CHST15: variants seen among roughly 807,000 people sequenced by gnomAD.
CHST15 encodes the protein B cell RAG associated protein (GALNAC4S-6ST).
In CHST15, 30 loss-of-function variants were observed where a neutral mutation model predicts 53.6. The observed-to-expected ratio is 0.56, with a 90% CI of 0.42 to 0.76. The LOEUF is 0.76. Ranked by LOEUF, CHST15 falls within the 30% of genes least tolerant of loss-of-function variation. CHST15 has a pLI of 0.00. For missense variants in CHST15, 627 were observed against 740.5 expected (o/e 0.85, Z 1.78); for synonymous variants, 296 against 289.8 (o/e 1.02, Z -0.22).
In CHST15 at chr10:124,009,016, T is replaced by C; in HGVS notation, c.*1133A>G. ...CAGCCCAAGTTCAGCTTGTGCATTG[T>C]GTTTTGGAATTGGGACACGAGTATC... On this transcript the variant is annotated 3_prime_UTR_variant, in exon 8 of 8. Transcript: ENST00000435907. 7.8e-7 allele frequency: 1 copy of C among 1,289,154 alleles called. No individual in the cohort carries two copies. Among genetic ancestry groups the C allele is most frequent in the Middle Eastern group, 2.1e-4 (1 of 4,690 alleles). 79.9% of individuals were successfully genotyped at this position (1,289,154 alleles called of 1,614,324 possible).
At chr10:124,033,189 C>T (rs567892458) in intron 5 of CHST15, among the ~76,000 whole-genome samples, 4 of 152,332 alleles carry the variant, frequency 2.6e-5, no homozygotes, top group South Asian at 2.1e-4. Flanking sequence ...AGATGGGAAA[C>T]GCGCCAACCA....
chr10:124,065,380 C>G (rs989648641), intron 1 of CHST15, among the ~76,000 whole-genome samples: 1 of 152,168 alleles, frequency 6.6e-6, no homozygotes, highest in Non-Finnish European at 1.5e-5. Flanking sequence ...AAGACCGTAT[C>G]TCAAAAAGAA....
chr10:124,042,187 T>TCTCGG, intron 4 of CHST15, 114 bp downstream of exon 4: 8 of 1,093,428 alleles, frequency 7.3e-6, no homozygotes, highest in Admixed American at 4.6e-5. Context: ...CAAAAGAAGT[T>TCTCGG]TGCTGCCACC....
chr10:124,073,642 G>C (rs1590344340), intron 1 of CHST15, among the ~76,000 whole-genome samples: 1 of 152,308 alleles, frequency 6.6e-6, no homozygotes, highest in East Asian at 1.9e-4. Flanking sequence ...CAGAAACCAA[G>C]GAAGAGGCAA....
intron 1 of CHST15, among the ~76,000 whole-genome samples, chr10:124,056,622 C>T (rs552522199): frequency 3.2e-4 from 49 of 152,330 alleles, no homozygotes; most frequent in African/African-American, 1.1e-3. Flanking sequence ...TTGTCAGTTA[C>T]CTTTGCAGCT....
intron 1 of CHST15, among the ~76,000 whole-genome samples, chr10:124,047,623 G>GT (rs1324865018): frequency 6.6e-6 from 1 of 152,194 alleles, no homozygotes; most frequent in Non-Finnish European, 1.5e-5. Flanking sequence ...CCCTGAGCAA[G>GT]CCACATAACC....
intron 1 of CHST15, among the ~76,000 whole-genome samples, chr10:124,092,709 C>T: frequency 6.6e-6 from 1 of 152,204 alleles, no homozygotes; most frequent in South Asian, 2.1e-4. Flanking sequence ...TGCCCACTTA[C>T]CTGCCCCGGG....
intron 5 of CHST15, among the ~76,000 whole-genome samples, chr10:124,032,396 T>C (rs1947257458): frequency 6.6e-6 from 1 of 152,092 alleles, no homozygotes; most frequent in African/African-American, 2.4e-5. Context: ...TAACAGATGG[T>C]ACATGACCCC....
At chr10:124,045,211 T>C (rs1242779273) in intron 2 of CHST15, among the ~76,000 whole-genome samples, 1 of 150,198 alleles carries the variant, frequency 6.7e-6, no homozygotes, top group Non-Finnish European at 1.5e-5. Context: ...TTCTGACACT[T>C]ACACAACACA....
chr10:124,014,907 G>A (rs1273910621), intron 6 of CHST15, among the ~76,000 whole-genome samples: 4 of 152,188 alleles, frequency 2.6e-5, no homozygotes, highest in East Asian at 1.9e-4. Context: ...GGCCTGCACC[G>A]CAGCATGGTC....
intron 1 of CHST15, among the ~76,000 whole-genome samples, chr10:124,055,206 G>A (rs1948336208): frequency 6.6e-6 from 1 of 152,186 alleles, no homozygotes; most frequent in African/African-American, 2.4e-5. Context: ...AAAACATCTT[G>A]CTTTGGCCAC....
chr10:124,009,897 G>A lies in CHST15; in HGVS notation c.*252C>T. The A allele has an allele frequency of 7.6e-7, 1 of 1,316,596 alleles. No individual in the cohort carries two copies. The highest frequency in any genetic ancestry group is 9.7e-7 in the Non-Finnish European group (1 of 1,028,172). 81.6% of individuals were successfully genotyped at this position (1,316,596 alleles called of 1,614,324 possible). On this transcript the variant is annotated 3_prime_UTR_variant, in exon 8 of 8. Coordinates refer to ENST00000435907, the MANE Select transcript of CHST15 (RefSeq NM_001270764.2). ...GCATCCCCAAGCTCCAGGACGCTCA[G>A]AGCAGAGCTGAATTCTTGAGAAACT...
chr10:124,010,109 G>A lies in CHST15; in HGVS notation c.*40C>T. The A allele has an allele frequency of 6.2e-7, 1 of 1,611,154 alleles. No homozygotes were observed. Among genetic ancestry groups the A allele is most frequent in the East Asian group, 2.2e-5 (1 of 44,882 alleles). Reference sequence around the variant, plus strand: ...AGATTTGTAAAATCCTGATGATGACGGCATTGGCGGGCCCAGCACGTGCAG... The same window carrying A: ...AGATTTGTAAAATCCTGATGATGACAGCATTGGCGGGCCCAGCACGTGCAG... On this transcript the variant is annotated 3_prime_UTR_variant, in exon 8 of 8. Coordinates refer to ENST00000435907, the MANE Select transcript of CHST15 (RefSeq NM_001270764.2).
intron 1 of CHST15, among the ~76,000 whole-genome samples, chr10:124,093,026 G>C (rs1477785710): frequency 6.6e-6 from 1 of 152,180 alleles, no homozygotes; most frequent in Non-Finnish European, 1.5e-5. Context: ...CCCTCGCTCC[G>C]GCCGCGTCCT....
At chr10:124,022,487 G>A (rs908877088) in intron 5 of CHST15, among the ~76,000 whole-genome samples, 3 of 152,204 alleles carry the variant, frequency 2.0e-5, no homozygotes, top group African/African-American at 4.8e-5. Flanking sequence ...GAGCACCTTC[G>A]TATTACAGGA....
intron 1 of CHST15, among the ~76,000 whole-genome samples, chr10:124,064,626 A>G (rs889692349): frequency 1.1e-4 from 16 of 151,518 alleles, no homozygotes; most frequent in African/African-American, 3.2e-4. Flanking sequence ...GGAACATTCA[A>G]TCCCCCTTGC....
Position 124,009,963 on chromosome 10 carries a change from G to A in CHST15, c.*186C>T. On this transcript the variant is annotated 3_prime_UTR_variant, in exon 8 of 8. Transcript: ENST00000435907. ...CTCGGATAGAGGAGCTCTGTGAGGG[G>A]TCCATTGCTGAGCTCTCGAACATCA... 2 of 1,438,248 alleles carry A rather than the reference G, an allele frequency of 1.4e-6. No homozygotes were observed. The highest frequency in any genetic ancestry group is 1.8e-6 in the Non-Finnish European group (2 of 1,099,324). 89.1% of individuals were successfully genotyped at this position (1,438,248 alleles called of 1,614,324 possible).
intron 1 of CHST15, among the ~76,000 whole-genome samples, chr10:124,086,998 C>T (rs1478958976): frequency 6.6e-6 from 1 of 152,200 alleles, no homozygotes; most frequent in Non-Finnish European, 1.5e-5. Context: ...TTCCGTGTCA[C>T]GGGCGCCAAA....
intron 1 of CHST15, among the ~76,000 whole-genome samples, chr10:124,081,047 T>C (rs1340577448): frequency 1.3e-5 from 2 of 152,202 alleles, no homozygotes; most frequent in Non-Finnish European, 1.5e-5. Context: ...GGGATGAGAA[T>C]GGGGTCCTTC....
Sources: allele counts gnomAD v4.1 joint callset (sites outside exome capture counted in the v4.1 genomes callset), GRCh38; gene constraint gnomAD v4.1.1; transcripts MANE v1.5; gene names NCBI Gene and HGNC (gene_info 2026-07-23, HGNC 2026-07-21).